Variants in SERPINE3 observed in about 807,000 individuals in gnomAD.
SERPINE3 encodes the protein serpin family E member 3.
A neutral mutation model predicts 41.7 loss-of-function variants in SERPINE3; 43 were observed. The ratio of observed to expected loss-of-function variants is 1.03; its 90% confidence interval spans 0.81 to 1.33. SERPINE3 has a LOEUF of 1.33. Among genes scored for constraint, SERPINE3 ranks in the 40% most tolerant of loss-of-function variants. The pLI, the probability that SERPINE3 is intolerant of heterozygous loss-of-function variation, is 0.00. For missense variants in SERPINE3, 440 were observed against 491.7 expected (o/e 0.89, Z 0.99); for synonymous variants, 200 against 192.2 (o/e 1.04, Z -0.34).
rs1054682719 is a variant in SERPINE3 at position 51,342,850 on chromosome 13, A to T, written c.257-1402A>T. Among the ~76,000 whole-genome samples the T allele has an allele frequency of 4.6e-5, 7 of 152,308 alleles. No homozygotes were observed. The South Asian group carries it at 1.5e-3, about 32-fold the overall frequency. On this transcript the variant is annotated intron_variant, in intron 3 of 9. Transcript: ENST00000681248. Reference sequence around the variant, plus strand: ...AAAATCTGATTATAAGTATGTTTTTATCCATTTTTTTCTTACTACACTCAA... The same window carrying T: ...AAAATCTGATTATAAGTATGTTTTTTTCCATTTTTTTCTTACTACACTCAA...
chr13:51,344,148 G>C (rs1308105581), intron 3 of SERPINE3, 104 bp from the exon 4 acceptor site: 3 of 781,170 alleles, frequency 3.8e-6, no homozygotes, highest in Non-Finnish European at 6.5e-6. Context: ...ATGAGCAAGA[G>C]TGGAGTTGCT....
chr13:51,345,420 C>T (rs908559297), intron 4 of SERPINE3, among the ~76,000 whole-genome samples: 1 of 151,890 alleles, frequency 6.6e-6, no homozygotes. Flanking sequence ...TGGTGAAACC[C>T]CGTCTCTACT....
chr13:51,364,179 A>G lies in SERPINE3; in HGVS notation c.1172-60A>G, dbSNP rs1593656447. 8.7e-6 allele frequency: 7 copies of G among 801,476 alleles called. No individual in the cohort carries two copies. The East Asian group carries it at 2.0e-4, about 22-fold the overall frequency. 49.6% of individuals were successfully genotyped at this position (801,476 alleles called of 1,614,324 possible). On this transcript the variant is annotated intron_variant, in intron 9 of 9. Transcript: ENST00000681248. ...AAAGTATTTGTATAGAAGTAAACAA[A>G]GCTTAAAGAACTGCATATGAAAATA... is the stretch of plus-strand genomic sequence containing the variant.
At position 51,345,798 on chromosome 13, in the gene SERPINE3, G is replaced by A. The variant is rs548538244; in HGVS notation, c.491-1227G>A. 2.3e-4 allele frequency among the ~76,000 whole-genome samples: 35 copies of A among 152,268 alleles called. 1 individual carries two copies. Among genetic ancestry groups the A allele is most frequent in the Non-Finnish European group, 4.7e-4 (32 of 68,020 alleles). On this transcript the variant is annotated intron_variant, in intron 4 of 9. Coordinates refer to ENST00000681248, the MANE Select transcript of SERPINE3 (RefSeq NM_001386375.1). ...TGTTTAATTCCCTGCTCACATCCTTGTGCTGCCAGGGCGTAAGGCCAGAGA... is the reference window on the plus strand; with the variant it reads ...TGTTTAATTCCCTGCTCACATCCTTATGCTGCCAGGGCGTAAGGCCAGAGA...
chr13:51,349,039 A>G (rs1008921940), intron 6 of SERPINE3, among the ~76,000 whole-genome samples: 1 of 152,228 alleles, frequency 6.6e-6, no homozygotes, highest in Non-Finnish European at 1.5e-5. Flanking sequence ...AACAAAATCT[A>G]TTAGCAAAAC....
At chr13:51,361,006 G>C (rs1955565417) in intron 7 of SERPINE3, among the ~76,000 whole-genome samples, 1 of 151,928 alleles carries the variant, frequency 6.6e-6, no homozygotes, top group Non-Finnish European at 1.5e-5. Flanking sequence ...GCAGTGCTCT[G>C]AATATTATTT....
At chr13:51,356,197 T>C (rs1955479292) in intron 7 of SERPINE3, among the ~76,000 whole-genome samples, 2 of 152,130 alleles carry the variant, frequency 1.3e-5, no homozygotes, top group Non-Finnish European at 2.9e-5. Flanking sequence ...AAAGCAATAG[T>C]CAAGTTTGGG....
chr13:51,351,967 C>T (rs1367671277), intron 6 of SERPINE3, among the ~76,000 whole-genome samples: 1 of 152,060 alleles, frequency 6.6e-6, no homozygotes, highest in Non-Finnish European at 1.5e-5. Flanking sequence ...AAGTTTATTT[C>T]TGGACTTTCA....
chr13:51,346,336 G>A (rs948556391), intron 4 of SERPINE3, among the ~76,000 whole-genome samples: 3 of 152,088 alleles, frequency 2.0e-5, no homozygotes, highest in Admixed American at 1.3e-4. Flanking sequence ...GACTGGGGGC[G>A]ACAATGTGCA....
rs778105195 is a variant in SERPINE3 at position 51,361,854 on chromosome 13, G to A, written c.1132G>A (p.Asp378Asn). Residue 378 changes from aspartate to asparagine, a missense_variant, in exon 9 of 10, where the codon GAT becomes AAT. By Grantham distance (23) the Asp-to-Asn change is conservative. Coordinates refer to ENST00000681248, the MANE Select transcript of SERPINE3 (RefSeq NM_001386375.1). ...GTCTCGGATTCCTATTTTTAAAGCAGATCGGCCATTCATCTATTTCCTGAG... is the reference window on the plus strand; with the variant it reads ...GTCTCGGATTCCTATTTTTAAAGCAAATCGGCCATTCATCTATTTCCTGAG... The part of the protein sequence containing the change: ...KRSRIPIFKA[D>N]RPFIYFLREP... 6.2e-7 allele frequency: 1 copy of A among 1,611,440 alleles called. No individual in the cohort carries two copies. Among genetic ancestry groups the A allele is most frequent in the Non-Finnish European group, 8.5e-7 (1 of 1,178,578 alleles).
At chr13:51,364,034 T>C (rs952014824) in intron 9 of SERPINE3, 3 of 344,532 alleles carry the variant, frequency 8.7e-6, no homozygotes, top group Non-Finnish European at 1.5e-5. Flanking sequence ...TCTAAATATA[T>C]ATAATTTAGG....
chr13:51,340,470 A>C (rs1955278312), intron 1 of SERPINE3, among the ~76,000 whole-genome samples: 1 of 152,134 alleles, frequency 6.6e-6, no homozygotes, highest in Non-Finnish European at 1.5e-5. Context: ...GTATTCTCAA[A>C]ATTTTATATA....
intron 6 of SERPINE3, among the ~76,000 whole-genome samples, chr13:51,351,081 T>C (rs1955398279): frequency 6.6e-6 from 1 of 152,210 alleles, no homozygotes; most frequent in Admixed American, 6.5e-5. Flanking sequence ...ACATTTTGGC[T>C]TGTTTTAACT....
intron 6 of SERPINE3, chr13:51,354,101 T>A (rs1955442556): frequency 6.6e-6 from 1 of 152,168 alleles, no homozygotes; most frequent in East Asian, 1.9e-4. Context: ...TTATCCAGTA[T>A]AAACACTCTA....
In SERPINE3 at chr13:51,361,316, G is replaced by A; in HGVS notation, c.1039G>A (p.Ala347Thr). ...GFYVSEAIHK[A>T]KIEVLEEGTK... The stretch of plus-strand genomic sequence containing the variant: ...TTATGTTTCTGAAGCAATCCACAAG[G>A]CCAAGATTGAAGTTTTGGAGGAAGG... The change falls in exon 8 of 10, where the codon GCC becomes ACC. Residue 347 changes from alanine to threonine, a missense_variant. Transcript: ENST00000681248. 1 of 1,610,196 alleles carries A rather than the reference G, an allele frequency of 6.2e-7. No homozygotes were observed. The highest frequency in any genetic ancestry group is 2.2e-5 in the East Asian group (1 of 44,744).
At chr13:51,342,180 A>AT in intron 3 of SERPINE3, among the ~76,000 whole-genome samples, 1 of 131,924 alleles carries the variant, frequency 7.6e-6, no homozygotes, top group South Asian at 2.5e-4. Flanking sequence ...AGACAGAACA[A>AT]AAAAAAAAAA....
intron 2 of SERPINE3, 105 bp downstream of exon 2, chr13:51,340,966 G>T (rs955313669): frequency 9.1e-7 from 1 of 1,097,140 alleles, no homozygotes; most frequent in Non-Finnish European, 1.3e-6. Flanking sequence ...TCCCTCAGCC[G>T]TCCCTAGCCC....
intron 3 of SERPINE3, among the ~76,000 whole-genome samples, chr13:51,343,276 G>A (rs781160984): frequency 9.2e-5 from 14 of 152,200 alleles, no homozygotes; most frequent in Non-Finnish European, 1.9e-4. Flanking sequence ...GCCTAAAAGG[G>A]AGTAGAAGCA....
At chr13:51,342,178 C>CAAAAAAA (rs869298134) in intron 3 of SERPINE3, among the ~76,000 whole-genome samples, 38 of 63,458 alleles carry the variant, frequency 6.0e-4, no homozygotes, top group Non-Finnish European at 7.7e-4. Flanking sequence ...AAAGACAGAA[C>CAAAAAAA]AAAAAAAAAA....
Sources: gnomAD v4.1 joint callset for allele counts (sites outside exome capture counted in the v4.1 genomes callset) on GRCh38, gnomAD v4.1.1 for gene constraint, MANE v1.5 for transcripts, NCBI Gene and HGNC (gene_info 2026-07-23, HGNC 2026-07-21) for gene names.